Variants in CDK14 observed in about 807,000 individuals in gnomAD.
CDK14 encodes the protein cyclin-dependent kinase 14.
Under a neutral mutation model 60.7 loss-of-function variants are expected in CDK14, and 34 were observed. The observed-to-expected ratio is 0.56, with a 90% CI of 0.43 to 0.75. CDK14 has a LOEUF of 0.75. Among genes scored for constraint, CDK14 ranks in the 30% least tolerant of loss-of-function variants. CDK14 has a pLI of 0.00. For synonymous variants in CDK14, 197 were observed against 203.7 expected, an observed-to-expected ratio of 0.97 and a Z score of 0.28; for missense variants, 482 against 564.1, an observed-to-expected ratio of 0.85 and a Z score of 1.47.
Position 90,857,758 on chromosome 7 carries a change from T to C in CDK14, c.545-5417T>C, listed in dbSNP as rs768153559. Among the ~76,000 whole-genome samples the C allele has an allele frequency of 1.6e-4, 24 of 152,350 alleles. No homozygotes were observed. The Middle Eastern group carries it at 0.014, about 86-fold the overall frequency. On this transcript the variant is annotated intron_variant, in intron 5 of 14. Transcript: ENST00000380050. ...AACTTGTAGGTGTTAATCTCTGGAC[T>C]GACTTGGCAGCTAGGAGACTCCCTT...
intron 14 of CDK14, among the ~76,000 whole-genome samples, chr7:91,178,999 C>T (rs1801887456): frequency 6.6e-6 from 1 of 152,196 alleles, no homozygotes; most frequent in Non-Finnish European, 1.5e-5. Flanking sequence ...TATAAAGACA[C>T]ATGCACACAT....
intron 6 of CDK14, among the ~76,000 whole-genome samples, chr7:90,885,554 C>T (rs1354789864): frequency 6.6e-6 from 1 of 152,120 alleles, no homozygotes; most frequent in African/African-American, 2.4e-5. Context: ...ACTCAGCAAT[C>T]CCATTATAGG....
chr7:91,151,043 T>A (rs1800814253), intron 14 of CDK14, among the ~76,000 whole-genome samples: 1 of 152,210 alleles, frequency 6.6e-6, no homozygotes, highest in African/African-American at 2.4e-5. Flanking sequence ...TATTTTCTAT[T>A]TAATGCCTGC....
intron 11 of CDK14, among the ~76,000 whole-genome samples, chr7:91,072,005 A>G (rs1267202975): frequency 6.6e-6 from 1 of 152,190 alleles, no homozygotes; most frequent in Non-Finnish European, 1.5e-5. Context: ...TCAGGGGCAG[A>G]ACTCTGATCT....
intron 13 of CDK14, among the ~76,000 whole-genome samples, chr7:91,116,027 C>T (rs1799599351): frequency 1.3e-5 from 2 of 152,106 alleles, no homozygotes; most frequent in South Asian, 4.1e-4. Context: ...TGTCATTCTC[C>T]CTCTGTCCTG....
At chr7:91,074,900 G>A (rs950439938) in intron 11 of CDK14, among the ~76,000 whole-genome samples, 10 of 151,968 alleles carry the variant, frequency 6.6e-5, no homozygotes, top group African/African-American at 2.4e-4. Context: ...AGAAGAAATG[G>A]ATAAACTCAT....
intron 14 of CDK14, among the ~76,000 whole-genome samples, chr7:91,176,377 C>T (rs1236688255): frequency 6.6e-6 from 1 of 152,060 alleles, no homozygotes; most frequent in African/African-American, 2.4e-5. Flanking sequence ...AAAATTGACA[C>T]CCTAACATCA....
intron 14 of CDK14, among the ~76,000 whole-genome samples, chr7:91,120,545 T>C (rs1488561054): frequency 6.6e-6 from 1 of 151,824 alleles, no homozygotes; most frequent in Non-Finnish European, 1.5e-5. Context: ...GCTTTTTTTT[T>C]TTTTTTGAGA....
intron 2 of CDK14, among the ~76,000 whole-genome samples, chr7:90,639,654 C>T (rs923754155): frequency 7.2e-6 from 1 of 139,780 alleles, no homozygotes; most frequent in African/African-American, 2.7e-5. Flanking sequence ...CACTGCTCTC[C>T]TCAAAGCTGT....
At chr7:91,176,020 C>A (rs1584171071) in intron 14 of CDK14, among the ~76,000 whole-genome samples, 1 of 152,148 alleles carries the variant, frequency 6.6e-6, no homozygotes, top group East Asian at 1.9e-4. Flanking sequence ...TTTTCAGCAC[C>A]ACACCACACC....
intron 7 of CDK14, among the ~76,000 whole-genome samples, chr7:90,914,894 G>T (rs1219572273): frequency 7.2e-5 from 11 of 152,114 alleles, no homozygotes; most frequent in Admixed American, 3.9e-4. Flanking sequence ...TCACATTACT[G>T]GTGTAGGAGT....
intron 5 of CDK14, among the ~76,000 whole-genome samples, chr7:90,812,184 A>G (rs939801917): frequency 6.6e-6 from 1 of 152,254 alleles, no homozygotes; most frequent in Non-Finnish European, 1.5e-5. Flanking sequence ...TTATTGTGGC[A>G]CTATTAGCAA....
At chr7:90,867,938 C>A (rs1164897155) in intron 6 of CDK14, among the ~76,000 whole-genome samples, 1 of 150,856 alleles carries the variant, frequency 6.6e-6, no homozygotes, top group African/African-American at 2.4e-5. Context: ...CCAGCCTGGG[C>A]AACATAGTAA....
intron 2 of CDK14, among the ~76,000 whole-genome samples, chr7:90,686,920 G>T (rs903618090): frequency 2.0e-5 from 3 of 152,108 alleles, no homozygotes; most frequent in African/African-American, 7.2e-5. Flanking sequence ...ATGAGCAAGA[G>T]AAGATGAGAA....
chr7:90,642,997 A>G (rs1314708210), intron 2 of CDK14, among the ~76,000 whole-genome samples: 1 of 152,226 alleles, frequency 6.6e-6, no homozygotes, highest in Non-Finnish European at 1.5e-5. Flanking sequence ...TCGCACTCAG[A>G]AAAGTTCCAC....
chr7:90,941,510 G>A (rs535799734), intron 8 of CDK14, among the ~76,000 whole-genome samples: 9 of 152,224 alleles, frequency 5.9e-5, no homozygotes, highest in East Asian at 1.9e-4. Context: ...GGTAAAGAGC[G>A]GTGGTGCAAT....
At chr7:90,902,168 C>T (rs1003665694) in intron 7 of CDK14, among the ~76,000 whole-genome samples, 6 of 152,054 alleles carry the variant, frequency 3.9e-5, no homozygotes, top group Admixed American at 3.9e-4. Flanking sequence ...AAATACCATT[C>T]TACCAAAAGC....
At chr7:91,147,561 A>G (rs1800692590) in intron 14 of CDK14, among the ~76,000 whole-genome samples, 1 of 152,310 alleles carries the variant, frequency 6.6e-6, no homozygotes, top group South Asian at 2.1e-4. Context: ...ACTGTCTCAG[A>G]TAACTCAGAA....
chr7:91,095,774 A>C (rs953400328), intron 12 of CDK14, among the ~76,000 whole-genome samples: 1 of 152,142 alleles, frequency 6.6e-6, no homozygotes, highest in African/African-American at 2.4e-5. Context: ...TCTGTGGACT[A>C]GCTGTTACTG....
Sources: gnomAD v4.1 joint callset for allele counts (sites outside exome capture counted in the v4.1 genomes callset) on GRCh38, gnomAD v4.1.1 for gene constraint, MANE v1.5 for transcripts, NCBI Gene and HGNC (gene_info 2026-07-23, HGNC 2026-07-21) for gene names.